Variants in OTUD7A observed in about 807,000 individuals in gnomAD.
OTUD7A encodes the protein OTU domain-containing protein 7A.
A neutral mutation model predicts 65.7 loss-of-function variants in OTUD7A; 12 were observed. The ratio of observed to expected loss-of-function variants is 0.18; its 90% CI spans 0.12 to 0.30. The LOEUF is 0.30. Ranked by LOEUF, OTUD7A falls within the 10% of genes least tolerant of loss-of-function variation. The pLI, the probability that OTUD7A is intolerant of heterozygous loss-of-function variation, is 1.00. For missense variants in OTUD7A, 1,148 were observed against 1,304.8 expected (o/e 0.88, Z 1.85); for synonymous variants, 641 against 586.3 (o/e 1.09, Z -1.35).
chr15:31,636,419 G>A (rs981850406), intron 3 of OTUD7A, among the ~76,000 whole-genome samples: 1 of 152,148 alleles, frequency 6.6e-6, no homozygotes, highest in Non-Finnish European at 1.5e-5. Context: ...AATAAACGTT[G>A]TGTGTGTTCT....
intron 3 of OTUD7A, among the ~76,000 whole-genome samples, chr15:31,621,835 T>C (rs12324374): frequency 0.28 from 40,906 of 147,884 alleles, 6,822 homozygotes; most frequent in African/African-American, 0.46. Flanking sequence ...TTTTGCTCGT[T>C]AGTTGATGCA....
intron 4 of OTUD7A, 106 bp from the exon 5 acceptor site, chr15:31,559,293 A>T: frequency 9.2e-7 from 1 of 1,082,898 alleles, no homozygotes; most frequent in Non-Finnish European, 1.3e-6. Context: ...ACACACAGGT[A>T]CACATTCATG....
At chr15:31,646,791 C>T (rs891100345) in intron 3 of OTUD7A, among the ~76,000 whole-genome samples, 23 of 152,140 alleles carry the variant, frequency 1.5e-4, no homozygotes, top group African/African-American at 5.6e-4. Context: ...CACAATGGCA[C>T]AGACTTCTGA....
intron 1 of OTUD7A, among the ~76,000 whole-genome samples, chr15:31,759,992 C>T (rs1894918994): frequency 6.6e-6 from 1 of 152,194 alleles, no homozygotes; most frequent in Non-Finnish European, 1.5e-5. Flanking sequence ...CTGAAAACTG[C>T]TAAATTGTTT....
chr15:31,494,841 C>T (rs556474155), intron 10 of OTUD7A, among the ~76,000 whole-genome samples: 99 of 152,344 alleles, frequency 6.5e-4, no homozygotes, highest in African/African-American at 2.3e-3. Flanking sequence ...TGCTGCCTCC[C>T]AGCCCCTCTC....
At chr15:31,565,393 T>C (rs1888834091) in intron 4 of OTUD7A, among the ~76,000 whole-genome samples, 1 of 152,192 alleles carries the variant, frequency 6.6e-6, no homozygotes, top group Non-Finnish European at 1.5e-5. Context: ...GTTCACTGGA[T>C]AAAAGATAAA....
chr15:31,579,309 T>C (rs1595625053), intron 3 of OTUD7A, among the ~76,000 whole-genome samples: 1 of 152,230 alleles, frequency 6.6e-6, no homozygotes, highest in Non-Finnish European at 1.5e-5. Flanking sequence ...AACTTTCACC[T>C]TTTCACTTAA....
rs983950871 is a variant in OTUD7A, at chr15:31,655,397, A to G, written c.-4-147T>C. The G allele has an allele frequency of 5.2e-5, 28 of 539,648 alleles. No homozygotes were observed. The African/African-American group carries it at 5.4e-4, about 10-fold the overall frequency. 33.4% of individuals were successfully genotyped at this position (539,648 alleles called of 1,614,324 possible). On this transcript the variant is annotated intron_variant, in intron 2 of 12. Transcript: ENST00000307050. Reference sequence around the variant, plus strand: ...ATATTTTTTAGAATTGGTTTGGTCCAACTGCCTGATTCTTCATGCAAGACA... The same window carrying G: ...ATATTTTTTAGAATTGGTTTGGTCCGACTGCCTGATTCTTCATGCAAGACA...
chr15:31,483,722 C>T lies in OTUD7A; in HGVS notation c.2374G>A (p.Ala792Thr). ...QASGARDEAC[A>T]PAVGALRPCA... The stretch of plus-strand genomic sequence containing the variant: ...GGCCGCAGCGCCCCCACGGCCGGCG[C>T]GCACGCCTCGTCCCGCGCGCCCGAC... Residue 792 changes from alanine to threonine, a missense_variant, in exon 13 of 13, where the codon GCG becomes ACG. This residue lies in a region of OTUD7A where 842 missense variants were observed against 769.5 expected (regional missense o/e 1.09). Transcript: ENST00000307050. The T allele has an allele frequency of 1.8e-6, 2 of 1,130,800 alleles. No individual in the cohort carries two copies. Among genetic ancestry groups the T allele is most frequent in the South Asian group, 4.0e-5 (1 of 24,762 alleles). The allele number at this position is 1,130,800 out of a possible 1,614,324, so 70.0% of individuals were successfully genotyped here. A position where few individuals can be genotyped will look rare whatever the true frequency, so the allele number is the denominator to read the frequency against.
intron 1 of OTUD7A, among the ~76,000 whole-genome samples, chr15:31,769,746 C>T (rs144383264): frequency 4.9e-4 from 75 of 152,232 alleles, no homozygotes; most frequent in African/African-American, 1.7e-3. Flanking sequence ...TTTTATGACA[C>T]CCTGAACATA....
At chr15:31,497,150 G>T (rs1329274574) in intron 10 of OTUD7A, among the ~76,000 whole-genome samples, 1 of 152,214 alleles carries the variant, frequency 6.6e-6, no homozygotes, top group Non-Finnish European at 1.5e-5. Context: ...AGGACACACT[G>T]AGGGTGCCCT....
intron 3 of OTUD7A, among the ~76,000 whole-genome samples, chr15:31,600,029 A>C (rs2141209419): frequency 6.6e-6 from 1 of 152,314 alleles, no homozygotes; most frequent in Non-Finnish European, 1.5e-5. Context: ...ATATACCTGA[A>C]AGTGATGGGG....
At chr15:31,740,620 T>A (rs1894317309) in intron 1 of OTUD7A, among the ~76,000 whole-genome samples, 1 of 150,664 alleles carries the variant, frequency 6.6e-6, no homozygotes, top group Admixed American at 6.6e-5. Flanking sequence ...AAGGCATAAG[T>A]GAGAGGGGGA....
intron 1 of OTUD7A, among the ~76,000 whole-genome samples, chr15:31,775,585 ATCT>A (rs1325733524): frequency 6.6e-6 from 1 of 152,222 alleles, no homozygotes; most frequent in African/African-American, 2.4e-5. Context: ...CTGTGCAGAT[ATCT>A]AGGAGGAAAA....
At chr15:31,632,705 G>C (rs1891210138) in intron 3 of OTUD7A, among the ~76,000 whole-genome samples, 1 of 152,208 alleles carries the variant, frequency 6.6e-6, no homozygotes, top group Admixed American at 6.5e-5. Context: ...TTGTTTGTCT[G>C]TGCCCTGCCC....
In OTUD7A at chr15:31,483,547, G is replaced by T; in HGVS notation, c.2549C>A (p.Ala850Glu). ...ALPGAAGTAG[A>E]AEHKSQTYTN... Reference sequence around the variant, plus strand: ...GTAGGTCTGCGACTTGTGCTCGGCCGCCCCCGCCGTCCCCGCCGCGCCCGG... The same window carrying T: ...GTAGGTCTGCGACTTGTGCTCGGCCTCCCCCGCCGTCCCCGCCGCGCCCGG... The change falls in exon 13 of 13, where the codon GCG becomes GAG. Residue 850 changes from alanine (A) to glutamate (E), a missense_variant. This residue lies in a region of OTUD7A where 842 missense variants were observed against 769.5 expected (regional missense o/e 1.09). Coordinates refer to ENST00000307050, the MANE Select transcript of OTUD7A (RefSeq NM_001382637.1). 7.6e-7 allele frequency: 1 copy of T among 1,321,510 alleles called. No individual in the cohort carries two copies. The highest frequency in any genetic ancestry group is 1.6e-5 in the African/African-American group (1 of 64,002). The allele number at this position is 1,321,510 out of a possible 1,614,324, so 81.9% of individuals were successfully genotyped here. A position where few individuals can be genotyped will look rare whatever the true frequency, so the allele number is the denominator to read the frequency against.
At chr15:31,561,213 C>T (rs982058149) in intron 4 of OTUD7A, among the ~76,000 whole-genome samples, 3 of 151,980 alleles carry the variant, frequency 2.0e-5, no homozygotes, top group Non-Finnish European at 4.4e-5. Context: ...GGAGGGAGCA[C>T]ATGGGCCCAG....
intron 1 of OTUD7A, among the ~76,000 whole-genome samples, chr15:31,732,808 G>T (rs1443523283): frequency 6.6e-6 from 1 of 152,170 alleles, no homozygotes; most frequent in African/African-American, 2.4e-5. Context: ...TTCTTCCAGG[G>T]CTTCTTCACA....
intron 5 of OTUD7A, among the ~76,000 whole-genome samples, chr15:31,546,872 C>T (rs1341524795): frequency 6.6e-6 from 1 of 152,172 alleles, no homozygotes; most frequent in Non-Finnish European, 1.5e-5. Context: ...CAGAACTTAA[C>T]CCATTCATGA....
Sources: allele counts gnomAD v4.1 joint callset (sites outside exome capture counted in the v4.1 genomes callset), GRCh38; gene constraint gnomAD v4.1.1; regional missense constraint gnomAD v4.1.1; transcripts MANE v1.5; gene names NCBI Gene and HGNC (gene_info 2026-07-23, HGNC 2026-07-21).